SMG7: variants seen among roughly 807,000 people sequenced by gnomAD.
The protein encoded by SMG7 is SMG7 nonsense mediated mRNA decay factor.
Under a neutral mutation model 148.2 loss-of-function variants are expected in SMG7, and 34 were observed. The ratio of observed to expected loss-of-function variants is 0.23; its 90% CI spans 0.17 to 0.31. The LOEUF is 0.31. Ranked by LOEUF, SMG7 falls within the 10% of genes least tolerant of loss-of-function variation. The pLI is 1.00. For synonymous variants in SMG7, 492 were observed against 515.1 expected (o/e 0.96, Z 0.61); for missense variants, 1,114 against 1,408.4 (o/e 0.79, Z 3.35).
intron 1 of SMG7, among the ~76,000 whole-genome samples, chr1:183,512,551 A>G (rs954340533): frequency 6.6e-6 from 1 of 152,178 alleles, no homozygotes; most frequent in East Asian, 1.9e-4. Context: ...TCTTAAGTAA[A>G]TCACATGTGA....
intron 10 of SMG7, among the ~76,000 whole-genome samples, chr1:183,534,381 C>T (rs1425521924): frequency 1.3e-5 from 2 of 152,178 alleles, no homozygotes; most frequent in African/African-American, 4.8e-5. Context: ...CAAATGAAAA[C>T]TTTCAGTGTA....
At position 183,552,180 on chromosome 1, in the gene SMG7, A is replaced by G; in HGVS notation, c.*249A>G. Reference sequence around the variant, plus strand: ...GGGAGAGAGAGAGGAACTGCTGTTTATCTCACTCAGTTACTTGGTATCACC... The same window carrying G: ...GGGAGAGAGAGAGGAACTGCTGTTTGTCTCACTCAGTTACTTGGTATCACC... On this transcript the variant is annotated 3_prime_UTR_variant, in exon 23 of 23. Coordinates refer to ENST00000688051, the MANE Select transcript of SMG7 (RefSeq NM_001375584.1). 1 of 1,147,790 alleles carries G rather than the reference A, an allele frequency of 8.7e-7. No individual in the cohort carries two copies. Among genetic ancestry groups the G allele is most frequent in the South Asian group, 3.6e-5 (1 of 28,006 alleles). The allele number at this position is 1,147,790 out of a possible 1,614,324, so 71.1% of individuals were successfully genotyped here.
At chr1:183,533,420 G>C (rs1295200817) in intron 9 of SMG7, 94 bp downstream of exon 9, 1 of 1,329,092 alleles carries the variant, frequency 7.5e-7, no homozygotes, top group African/African-American at 1.5e-5. Context: ...ACATAAAAAA[G>C]CATAGTGTAT....
intron 1 of SMG7, among the ~76,000 whole-genome samples, chr1:183,480,008 C>G (rs1653667056): frequency 6.6e-6 from 1 of 152,082 alleles, no homozygotes; most frequent in Non-Finnish European, 1.5e-5. Context: ...CTAAGTTTTT[C>G]TTAGATAAGG....
chr1:183,527,778 G>A lies in SMG7; in HGVS notation c.485-178G>A. ...ATGCTGAATGTCCCAAATAAGGAAG[G>A]CTGATGGACACTTCACACATAATCC... On this transcript the variant is annotated intron_variant, in intron 5 of 22. Transcript: ENST00000688051. This position sits in a 1 kb window ranked among gnomAD's most constrained non-coding sequence, Gnocchi z 4.0. 1 of 599,296 alleles carries A rather than the reference G, an allele frequency of 1.7e-6. No homozygotes were observed. Among genetic ancestry groups the A allele is most frequent in the Non-Finnish European group, 3.2e-6 (1 of 314,468 alleles). 37.1% of individuals were successfully genotyped at this position (599,296 alleles called of 1,614,324 possible). A position where few individuals can be genotyped will look rare whatever the true frequency, so the allele number is the denominator to read the frequency against.
chr1:183,476,805 A>G (rs1571708948), intron 1 of SMG7, among the ~76,000 whole-genome samples: 2 of 152,340 alleles, frequency 1.3e-5, no homozygotes, highest in Non-Finnish European at 2.9e-5. Flanking sequence ...AGGCCGAATA[A>G]CATTGGGAAT....
intron 1 of SMG7, chr1:183,502,123 GAA>G (rs761286039): frequency 1.7e-6 from 1 of 586,934 alleles, no homozygotes; most frequent in Non-Finnish European, 2.7e-6. Context: ...AACAAAAAAA[GAA>G]AAAGGCTTTG....
intron 1 of SMG7, chr1:183,508,186 T>C (rs1478159542): frequency 3.2e-6 from 3 of 928,636 alleles, no homozygotes; most frequent in Non-Finnish European, 3.9e-6. Context: ...AATTGAGGTA[T>C]AGTATTTTTT....
At chr1:183,537,427 A>G (rs551063423) in intron 11 of SMG7, among the ~76,000 whole-genome samples, 2 of 152,296 alleles carry the variant, frequency 1.3e-5, no homozygotes, top group South Asian at 4.1e-4. Context: ...CATCATTCAA[A>G]TAGGAGTTCA....
At chr1:183,517,955 T>G in intron 4 of SMG7, 135 bp downstream of exon 4, 2 of 919,446 alleles carry the variant, frequency 2.2e-6, no homozygotes, top group South Asian at 3.3e-5. Context: ...CTATAATCTT[T>G]TCTTTTTTGG....
intron 1 of SMG7, among the ~76,000 whole-genome samples, chr1:183,493,851 A>T (rs2102236240): frequency 6.6e-6 from 1 of 152,290 alleles, no homozygotes; most frequent in South Asian, 2.1e-4. Context: ...GAGTGCTAGG[A>T]TTACAGGCGT....
intron 12 of SMG7, among the ~76,000 whole-genome samples, chr1:183,540,559 A>G (rs189751262): frequency 4.5e-4 from 68 of 152,246 alleles, no homozygotes; most frequent in Non-Finnish European, 9.3e-4. Context: ...GTCCACCACA[A>G]AGTGGATAGA....
At chr1:183,481,055 T>C (rs1165174251) in intron 1 of SMG7, among the ~76,000 whole-genome samples, 1 of 152,212 alleles carries the variant, frequency 6.6e-6, no homozygotes, top group Non-Finnish European at 1.5e-5. Flanking sequence ...AATCTTTGCG[T>C]TGCTTCTATA....
chr1:183,521,545 A>G (rs1346223661), intron 4 of SMG7, among the ~76,000 whole-genome samples: 4 of 152,222 alleles, frequency 2.6e-5, no homozygotes, highest in Admixed American at 1.3e-4. Flanking sequence ...AGATTGTTAT[A>G]TGGCCTTATA....
chr1:183,499,796 A>G (rs1659348136), intron 1 of SMG7, among the ~76,000 whole-genome samples: 1 of 152,102 alleles, frequency 6.6e-6, no homozygotes, highest in African/African-American at 2.4e-5. Flanking sequence ...CGTTACTTAC[A>G]TTAACACTAC....
intron 10 of SMG7, among the ~76,000 whole-genome samples, chr1:183,536,510 A>C (rs564183945): frequency 1.4e-4 from 22 of 152,248 alleles, no homozygotes; most frequent in Middle Eastern, 3.4e-3. Context: ...AACATACCTC[A>C]CTCAGGAACC....
In SMG7 at chr1:183,549,935, T is replaced by G. The variant is rs1469427131; in HGVS notation, c.3133+12T>G. 6.2e-7 allele frequency: 1 copy of G among 1,602,056 alleles called. No individual in the cohort carries two copies. Among genetic ancestry groups the G allele is most frequent in the Non-Finnish European group, 8.6e-7 (1 of 1,169,552 alleles). ...TCCTGCCAGTTCAGGTATTAACTACTCTTTAAATTATAGACCTTACATTTC... is the reference window on the plus strand; with the variant it reads ...TCCTGCCAGTTCAGGTATTAACTACGCTTTAAATTATAGACCTTACATTTC... On this transcript the variant is annotated intron_variant, in intron 20 of 22. Coordinates refer to ENST00000688051, the MANE Select transcript of SMG7 (RefSeq NM_001375584.1).
intron 1 of SMG7, 112 bp downstream of exon 1, chr1:183,472,761 C>A: frequency 2.0e-6 from 2 of 1,015,138 alleles, no homozygotes; most frequent in Non-Finnish European, 2.7e-6. Context: ...GCGTCCTCTC[C>A]TCGCCGGGCA....
intron 8 of SMG7, among the ~76,000 whole-genome samples, chr1:183,532,002 A>G (rs1317610888): frequency 6.6e-6 from 1 of 152,176 alleles, no homozygotes; most frequent in Non-Finnish European, 1.5e-5. Flanking sequence ...GACATATACA[A>G]TGAAATAGAT....
Sources: gnomAD v4.1 joint callset for allele counts (sites outside exome capture counted in the v4.1 genomes callset) on GRCh38, gnomAD v4.1.1 for gene constraint, Gnocchi (gnomAD v3.1) non-coding constraint, MANE v1.5 for transcripts, NCBI Gene and HGNC (gene_info 2026-07-23, HGNC 2026-07-21) for gene names.